ARHGAP15: variants seen among roughly 807,000 people sequenced by gnomAD.
ARHGAP15 encodes the protein rho GTPase-activating protein 15.
A neutral mutation model predicts 63.7 loss-of-function variants in ARHGAP15; 51 were observed. The observed-to-expected ratio is 0.80, with a 90% CI of 0.64 to 1.01. The LOEUF is 1.01. Ranked by LOEUF, ARHGAP15 falls within the 50% of genes least tolerant of loss-of-function variation. The pLI, the probability that ARHGAP15 is intolerant of heterozygous loss-of-function variation, is 0.00. For missense variants in ARHGAP15, 560 were observed against 564.6 expected (o/e 0.99, Z 0.08); for synonymous variants, 191 against 193.8 (o/e 0.99, Z 0.12).
chr2:143,375,252 T>C (rs188467109), intron 6 of ARHGAP15, among the ~76,000 whole-genome samples: 1 of 152,338 alleles, frequency 6.6e-6, no homozygotes, highest in African/African-American at 2.4e-5. Flanking sequence ...AACATCTATC[T>C]AGATGAGAGC....
chr2:143,539,407 C>CAGAAG (rs1694939584), intron 10 of ARHGAP15, among the ~76,000 whole-genome samples: 1 of 151,998 alleles, frequency 6.6e-6, no homozygotes, highest in Non-Finnish European at 1.5e-5. Flanking sequence ...TTAGTTATTT[C>CAGAAG]TTGCCTTCTG....
chr2:143,245,612 C>T (rs1694018914), intron 5 of ARHGAP15, among the ~76,000 whole-genome samples: 1 of 145,920 alleles, frequency 6.9e-6, no homozygotes, highest in African/African-American at 2.6e-5. Flanking sequence ...GCTTGCTTTT[C>T]TTCTTCTTCT....
At chr2:143,308,474 A>AG (rs1683280190) in intron 6 of ARHGAP15, among the ~76,000 whole-genome samples, 1 of 65,042 alleles carries the variant, frequency 1.5e-5, no homozygotes, top group Admixed American at 1.9e-4. Flanking sequence ...TGAGTTGATA[A>AG]GAAACACACA....
intron 10 of ARHGAP15, among the ~76,000 whole-genome samples, chr2:143,546,531 C>T (rs963405141): frequency 6.6e-6 from 1 of 152,112 alleles, no homozygotes; most frequent in Non-Finnish European, 1.5e-5. Flanking sequence ...GGAATAGCAT[C>T]TCCAGGAATC....
intron 11 of ARHGAP15, among the ~76,000 whole-genome samples, chr2:143,605,882 A>AAAAAAAAAAAAG (rs1347834366): frequency 7.4e-6 from 1 of 134,698 alleles, no homozygotes; most frequent in East Asian, 2.4e-4. Context: ...AAAAAAAAAA[A>AAAAAAAAAAAAG]AAAATTAGCC....
At chr2:143,470,809 T>C (rs1421866109) in intron 8 of ARHGAP15, among the ~76,000 whole-genome samples, 1 of 150,692 alleles carries the variant, frequency 6.6e-6, no homozygotes, top group East Asian at 2.0e-4. Context: ...TATATATATA[T>C]ATCCTGCTCC....
At chr2:143,360,041 G>A (rs1003388649) in intron 6 of ARHGAP15, among the ~76,000 whole-genome samples, 3 of 152,098 alleles carry the variant, frequency 2.0e-5, no homozygotes, top group African/African-American at 7.2e-5. Flanking sequence ...AAGAAAGTGA[G>A]AAAATTTCAA....
chr2:143,142,254 C>G (rs981980078), intron 1 of ARHGAP15, among the ~76,000 whole-genome samples: 1 of 152,066 alleles, frequency 6.6e-6, no homozygotes, highest in African/African-American at 2.4e-5. Context: ...AAAGCAGGAG[C>G]AGAGGGTAAT....
At chr2:143,420,167 C>A (rs1688859053) in intron 6 of ARHGAP15, among the ~76,000 whole-genome samples, 1 of 152,024 alleles carries the variant, frequency 6.6e-6, no homozygotes, top group Non-Finnish European at 1.5e-5. Context: ...AGGCATTTAC[C>A]CAAGTTTCTC....
chr2:143,368,067 T>C (rs188049043), intron 6 of ARHGAP15, among the ~76,000 whole-genome samples: 21 of 152,174 alleles, frequency 1.4e-4, no homozygotes, highest in African/African-American at 5.1e-4. Flanking sequence ...TATGCTAACA[T>C]CATTAATCTT....
At chr2:143,760,554 C>T (rs1686724313) in intron 13 of ARHGAP15, among the ~76,000 whole-genome samples, 1 of 151,984 alleles carries the variant, frequency 6.6e-6, no homozygotes, top group African/African-American at 2.4e-5. Context: ...TTTAGAGATA[C>T]TTTAGAATAT....
chr2:143,516,420 G>A (rs898723175), intron 9 of ARHGAP15, among the ~76,000 whole-genome samples: 8 of 151,396 alleles, frequency 5.3e-5, no homozygotes, highest in Non-Finnish European at 1.0e-4. Flanking sequence ...TGCACACCAC[G>A]TCTACACTAA....
At chr2:143,695,835 C>G (rs890224777) in intron 12 of ARHGAP15, among the ~76,000 whole-genome samples, 5 of 150,834 alleles carry the variant, frequency 3.3e-5, no homozygotes, top group African/African-American at 1.2e-4. Flanking sequence ...GCACTCCAGC[C>G]TGGGTGACAG....
At chr2:143,192,020 C>A (rs777638882) in intron 2 of ARHGAP15, among the ~76,000 whole-genome samples, 1 of 152,200 alleles carries the variant, frequency 6.6e-6, no homozygotes, top group Non-Finnish European at 1.5e-5. Flanking sequence ...GCCAGACTAA[C>A]CCATAAAGGT....
intron 12 of ARHGAP15, among the ~76,000 whole-genome samples, chr2:143,644,944 A>C (rs1473829975): frequency 6.6e-6 from 1 of 152,244 alleles, no homozygotes; most frequent in East Asian, 1.9e-4. Flanking sequence ...CAGAAAGTAT[A>C]GAAAACTGTA....
intron 6 of ARHGAP15, among the ~76,000 whole-genome samples, chr2:143,260,354 G>A (rs1042050072): frequency 6.6e-6 from 1 of 152,118 alleles, no homozygotes; most frequent in African/African-American, 2.4e-5. Flanking sequence ...ATCGTAGAAA[G>A]TCTCCTTGGT....
At chr2:143,734,080 C>A (rs1202055620) in intron 13 of ARHGAP15, among the ~76,000 whole-genome samples, 2 of 152,186 alleles carry the variant, frequency 1.3e-5, no homozygotes, top group Non-Finnish European at 2.9e-5. Flanking sequence ...CCAGTCTAGT[C>A]TAGCAGGTGA....
chr2:143,752,094 G>T (rs537309045), intron 13 of ARHGAP15, among the ~76,000 whole-genome samples: 1 of 152,024 alleles, frequency 6.6e-6, no homozygotes, highest in Admixed American at 6.6e-5. Context: ...TCTGAGTCGG[G>T]CCCCCTTGGC....
intron 8 of ARHGAP15, among the ~76,000 whole-genome samples, chr2:143,439,894 A>G (rs963440906): frequency 3.3e-5 from 5 of 152,146 alleles, no homozygotes; most frequent in South Asian, 2.1e-4. Context: ...TCAGGACCCA[A>G]AAACTTATTG....
Sources: allele counts gnomAD v4.1 joint callset (sites outside exome capture counted in the v4.1 genomes callset), GRCh38; gene constraint gnomAD v4.1.1; transcripts MANE v1.5; gene names NCBI Gene and HGNC (gene_info 2026-07-23, HGNC 2026-07-21).